Variants in STEAP4 observed in about 807,000 individuals in gnomAD.
STEAP4 encodes the protein metalloreductase STEAP4.
Under a neutral mutation model 43.6 loss-of-function variants are expected in STEAP4, and 36 were observed. The observed-to-expected ratio is 0.83, with a 90% CI of 0.63 to 1.09. The LOEUF is 1.09. Ranked by LOEUF, STEAP4 falls within the 50% of genes least tolerant of loss-of-function variation. The probability of loss-of-function intolerance (pLI) is 0.00; values close to 1 mark genes in which losing one functional copy is unlikely to be tolerated. For missense variants in STEAP4, 495 were observed against 546.5 expected, an observed-to-expected ratio of 0.91 and a Z score of 0.94; for synonymous variants, 191 against 196.7, an observed-to-expected ratio of 0.97 and a Z score of 0.24.
intron 1 of STEAP4, chr7:88,291,076 C>T (rs960732931): frequency 1.3e-5 from 2 of 151,968 alleles, no homozygotes; most frequent in African/African-American, 4.8e-5. Flanking sequence ...GTTATTGAAT[C>T]AAGTATCTAA....
intron 1 of STEAP4, among the ~76,000 whole-genome samples, chr7:88,285,911 G>A (rs34035935): frequency 0.15 from 23,413 of 152,126 alleles, 1,990 homozygotes; most frequent in Non-Finnish European, 0.2. Context: ...AATAGCTAAT[G>A]TTGTAATGAC....
chr7:88,271,943 T>C lies in STEAP4; in HGVS notation c.*7455A>G, dbSNP rs769227979. 2 of 152,244 alleles carry C rather than the reference T, an allele frequency of 1.3e-5. No homozygotes were observed. The highest frequency in any genetic ancestry group is 2.9e-5 in the Non-Finnish European group (2 of 68,044). 9.4% of individuals were successfully genotyped at this position (152,244 alleles called of 1,614,324 possible). ...GAATGAAGTAGAATATATTTTCATA[T>C]GTTGCAGAGCCTTGTTTCTCCTGTG... On this transcript the variant is annotated 3_prime_UTR_variant, in exon 5 of 5. Coordinates refer to ENST00000380079, the MANE Select transcript of STEAP4 (RefSeq NM_024636.4).
At chr7:88,288,132 C>A (rs990225524) in intron 1 of STEAP4, among the ~76,000 whole-genome samples, 1 of 152,120 alleles carries the variant, frequency 6.6e-6, no homozygotes, top group Non-Finnish European at 1.5e-5. Flanking sequence ...ACCTTATACT[C>A]CACCCCAAGG....
intron 4 of STEAP4, among the ~76,000 whole-genome samples, chr7:88,279,977 T>A (rs1304574996): frequency 2.6e-5 from 4 of 152,176 alleles, no homozygotes; most frequent in Admixed American, 2.6e-4. Flanking sequence ...AGGTCAGAGA[T>A]GAATATGACA....
rs530403902 is a variant in STEAP4, at chr7:88,278,913, A to G, written c.*485T>C. On this transcript the variant is annotated 3_prime_UTR_variant, in exon 5 of 5. Transcript: ENST00000380079. ...TTTGCCTTTACTTCCAAAAAACAAC[A>G]AAAACCTCATTCCCTTTTTACATTT... is the stretch of plus-strand genomic sequence containing the variant. The G allele has an allele frequency of 1.3e-5, 2 of 156,084 alleles. No individual in the cohort carries two copies. The highest frequency in any genetic ancestry group is 4.8e-5 in the African/African-American group (2 of 41,586). The allele number at this position is 156,084 out of a possible 1,614,324, so 9.7% of individuals were successfully genotyped here. A position where few individuals can be genotyped will look rare whatever the true frequency, so the allele number is the denominator to read the frequency against.
chr7:88,281,554 C>T (rs1320509437), intron 3 of STEAP4: 1 of 152,300 alleles, frequency 6.6e-6, no homozygotes, highest in Non-Finnish European at 1.5e-5. Flanking sequence ...AGGAATCAGA[C>T]ACTTGTAGTG....
chr7:88,276,587 G>T lies in STEAP4; in HGVS notation c.*2811C>A, dbSNP rs547339255. The T allele has an allele frequency of 6.6e-6, 1 of 152,312 alleles. No individual in the cohort carries two copies. 9.4% of individuals were successfully genotyped at this position (152,312 alleles called of 1,614,324 possible). A position where few individuals can be genotyped will look rare whatever the true frequency, so the allele number is the denominator to read the frequency against. On this transcript the variant is annotated 3_prime_UTR_variant, in exon 5 of 5. Transcript: ENST00000380079. ...GTTTAGTTTAACTTTTTTTTTAAATGTAAAATAGTTTGGATCTGTTAAAAG... is the reference window on the plus strand; with the variant it reads ...GTTTAGTTTAACTTTTTTTTTAAATTTAAAATAGTTTGGATCTGTTAAAAG...
Position 88,284,089 on chromosome 7 carries a change from C to T in STEAP4, c.181G>A (p.Gly61Ser). Residue 61 changes from glycine to serine, a missense_variant, in exon 2 of 5, where the codon GGT becomes AGT. By Grantham distance (56) the Gly-to-Ser change is moderately conservative. Coordinates refer to ENST00000380079, the MANE Select transcript of STEAP4 (RefSeq NM_024636.4). ...TCTGAATAGCTCAAGACTTCTGCAC[C>T]ACTGGGCAGTAGGGTGGTCTTCTGG... Reference protein sequence around the residue: ...NPQKTTLLPSGAEVLSYSEAA... With the variant: ...NPQKTTLLPSSAEVLSYSEAA... 1.2e-6 allele frequency: 2 copies of T among 1,614,086 alleles called. No individual in the cohort carries two copies. The highest frequency in any genetic ancestry group is 1.7e-6 in the Non-Finnish European group (2 of 1,180,016).
intron 4 of STEAP4, 101 bp from the exon 5 acceptor site, chr7:88,279,729 T>G: frequency 1.0e-6 from 1 of 971,180 alleles, no homozygotes; most frequent in South Asian, 1.6e-5. Flanking sequence ...CACAAACATT[T>G]GAGACCTATA....
rs948662516 is a variant in STEAP4 at position 88,276,080 on chromosome 7, C to T, written c.*3318G>A. On this transcript the variant is annotated 3_prime_UTR_variant, in exon 5 of 5. Transcript: ENST00000380079. ...GCCATTAGCCTTATCCCTGTGGCGT[C>T]TGCATGGAGAAGGAAAGCCTTTTTT... 7.2e-5 allele frequency: 11 copies of T among 152,212 alleles called. No individual in the cohort carries two copies. Among genetic ancestry groups the T allele is most frequent in the Admixed American group, 7.2e-4 (11 of 15,276 alleles). The allele number at this position is 152,212 out of a possible 1,614,324, so 9.4% of individuals were successfully genotyped here.
At chr7:88,290,405 A>T (rs1852816287) in intron 1 of STEAP4, 1 of 152,178 alleles carries the variant, frequency 6.6e-6, no homozygotes, top group Non-Finnish European at 1.5e-5. Context: ...AGCAAAAATC[A>T]GCTAATGACC....
At chr7:88,302,951 C>CAAAAA (rs35493493) in intron 1 of STEAP4, among the ~76,000 whole-genome samples, 15 of 51,458 alleles carry the variant, frequency 2.9e-4, no homozygotes, top group African/African-American at 1.1e-3. Flanking sequence ...GAGACTGTCT[C>CAAAAA]AAAAAAAAAA....
intron 1 of STEAP4, among the ~76,000 whole-genome samples, chr7:88,300,554 G>C (rs915921438): frequency 6.6e-6 from 1 of 152,140 alleles, no homozygotes; most frequent in Non-Finnish European, 1.5e-5. Flanking sequence ...CTAGTTTTCA[G>C]GTTTTTAATC....
At chr7:88,294,487 GTT>G (rs1423491237) in intron 1 of STEAP4, among the ~76,000 whole-genome samples, 1 of 152,056 alleles carries the variant, frequency 6.6e-6, no homozygotes, top group Non-Finnish European at 1.5e-5. Flanking sequence ...ATGGGCACAA[GTT>G]TAAAGTTATA....
At chr7:88,280,383 C>A (rs1247726182) in intron 4 of STEAP4, among the ~76,000 whole-genome samples, 1 of 152,146 alleles carries the variant, frequency 6.6e-6, no homozygotes, top group Non-Finnish European at 1.5e-5. Flanking sequence ...AACAAGTTTC[C>A]AGGTGATGCA....
At position 88,272,046 on chromosome 7, in the gene STEAP4, C is replaced by T. The variant is rs1358134263; in HGVS notation, c.*7352G>A. 3.9e-5 allele frequency: 6 copies of T among 152,188 alleles called. No homozygotes were observed. Among genetic ancestry groups the T allele is most frequent in the Admixed American group, 2.6e-4 (4 of 15,280 alleles). The allele number at this position is 152,188 out of a possible 1,614,324, so 9.4% of individuals were successfully genotyped here. ...AGTTGGCACTGCCAACTACGAGTTC[C>T]TCTTGGCGGCCACCTCTACAAGCTG... is the stretch of plus-strand genomic sequence containing the variant. On this transcript the variant is annotated 3_prime_UTR_variant, in exon 5 of 5. Coordinates refer to ENST00000380079, the MANE Select transcript of STEAP4 (RefSeq NM_024636.4).
intron 1 of STEAP4, among the ~76,000 whole-genome samples, chr7:88,284,731 C>G (rs1326453559): frequency 1.3e-5 from 2 of 151,984 alleles, no homozygotes; most frequent in East Asian, 3.8e-4. Context: ...TTTGAAACTT[C>G]ATTAATATAA....
At chr7:88,283,458 C>T (rs1179567337) in intron 2 of STEAP4, 18 of 470,642 alleles carry the variant, frequency 3.8e-5, no homozygotes, top group Admixed American at 2.7e-4. Flanking sequence ...TTTGTGGTGC[C>T]GCATCACTTA....
rs1260975459 is a variant in STEAP4, at chr7:88,276,350, C to T, written c.*3048G>A. ...GTATTTTTAGTCCCAGATGCTGGAA[C>T]TACTGTGATTCAAAACCTTTTAGTA... On this transcript the variant is annotated 3_prime_UTR_variant, in exon 5 of 5. Transcript: ENST00000380079. The T allele has an allele frequency of 6.6e-6, 1 of 152,226 alleles. No individual in the cohort carries two copies. Among genetic ancestry groups the T allele is most frequent in the Non-Finnish European group, 1.5e-5 (1 of 68,042 alleles). 9.4% of individuals were successfully genotyped at this position (152,226 alleles called of 1,614,324 possible). A position where few individuals can be genotyped will look rare whatever the true frequency, so the allele number is the denominator to read the frequency against.
Sources: gnomAD v4.1 joint callset for allele counts (sites outside exome capture counted in the v4.1 genomes callset) on GRCh38, gnomAD v4.1.1 for gene constraint, MANE v1.5 for transcripts, NCBI Gene and HGNC (gene_info 2026-07-23, HGNC 2026-07-21) for gene names.